EFNA5: variants seen among roughly 807,000 people sequenced by gnomAD.
The protein encoded by EFNA5 is ephrin-A5.
Under a neutral mutation model 22.9 loss-of-function variants are expected in EFNA5, and 5 were observed. The observed-to-expected ratio is 0.22, with a 90% CI of 0.11 to 0.46. The LOEUF is 0.46. EFNA5 is among the 20% of genes least tolerant of loss of function. EFNA5 has a pLI of 0.99. For missense variants in EFNA5, 237 were observed against 293.3 expected (o/e 0.81, Z 1.40); for synonymous variants, 113 against 112.2 (o/e 1.01, Z -0.04).
At chr5:107,463,299 T>C (rs1328056924) in intron 1 of EFNA5, among the ~76,000 whole-genome samples, 1 of 152,136 alleles carries the variant, frequency 6.6e-6, no homozygotes, top group Non-Finnish European at 1.5e-5. Context: ...CACACACATA[T>C]ATTTCATACT....
chr5:107,636,821 A>G (rs989216523), intron 1 of EFNA5, among the ~76,000 whole-genome samples: 1 of 152,224 alleles, frequency 6.6e-6, no homozygotes, highest in Non-Finnish European at 1.5e-5. Flanking sequence ...TGAAGGTGAT[A>G]AGGTTCTGGC....
chr5:107,623,379 A>C (rs969881087), intron 1 of EFNA5, among the ~76,000 whole-genome samples: 11 of 152,228 alleles, frequency 7.2e-5, no homozygotes, highest in Admixed American at 2.6e-4. Context: ...ATATGAGAAG[A>C]AGCACCAAAT....
chr5:107,419,063 C>T (rs186264449), intron 2 of EFNA5, among the ~76,000 whole-genome samples: 138 of 152,318 alleles, frequency 9.1e-4, no homozygotes, highest in Non-Finnish European at 1.6e-3. Context: ...GTGTGCTAGG[C>T]GAAGCCATTA....
intron 2 of EFNA5, among the ~76,000 whole-genome samples, chr5:107,399,392 GAA>G (rs1326689004): frequency 6.9e-6 from 1 of 143,940 alleles, no homozygotes; most frequent in African/African-American, 2.6e-5. Flanking sequence ...AGGAAGGAAA[GAA>G]GAGAGAGAGA....
chr5:107,604,206 G>T (rs771589663), intron 1 of EFNA5, among the ~76,000 whole-genome samples: 5 of 152,098 alleles, frequency 3.3e-5, no homozygotes, highest in Admixed American at 1.3e-4. Flanking sequence ...TAAGAGACAG[G>T]GTCTACCTCT....
At chr5:107,659,460 T>A (rs563691739) in intron 1 of EFNA5, among the ~76,000 whole-genome samples, 1 of 151,532 alleles carries the variant, frequency 6.6e-6, no homozygotes, top group Non-Finnish European at 1.5e-5. Context: ...AAATCTTCTA[T>A]CCAAGCTGCT....
intron 1 of EFNA5, among the ~76,000 whole-genome samples, chr5:107,462,926 G>A (rs890275812): frequency 2.0e-5 from 3 of 152,122 alleles, no homozygotes; most frequent in Admixed American, 6.6e-5. Context: ...GATTTGTGCT[G>A]GAAAGAAAAC....
At chr5:107,555,195 A>G (rs1277199606) in intron 1 of EFNA5, among the ~76,000 whole-genome samples, 1 of 152,252 alleles carries the variant, frequency 6.6e-6, no homozygotes, top group African/African-American at 2.4e-5. Flanking sequence ...ACCAGTTCAC[A>G]TATGACTGGA....
Position 107,653,775 on chromosome 5 carries a change from T to C in EFNA5, c.125+16714A>G, listed in dbSNP as rs544037121. ...CCAATCGTCTTCCAACACTGATTAT[T>C]GCAGTCTTAAAACTCCATATTCAGG... On this transcript the variant is annotated intron_variant, in intron 1 of 4. Coordinates refer to ENST00000333274, the MANE Select transcript of EFNA5 (RefSeq NM_001962.3). Among the ~76,000 whole-genome samples the C allele has an allele frequency of 1.0e-3, 159 of 152,068 alleles. 1 individual carries two copies. Among genetic ancestry groups the C allele is most frequent in the South Asian group, 4.8e-3 (23 of 4,824 alleles).
At chr5:107,432,704 T>C (rs1748995955) in intron 1 of EFNA5, among the ~76,000 whole-genome samples, 1 of 152,182 alleles carries the variant, frequency 6.6e-6, no homozygotes, top group Admixed American at 6.5e-5. Context: ...AAACATCTCA[T>C]ATGCATAAAA....
intron 1 of EFNA5, among the ~76,000 whole-genome samples, chr5:107,460,581 T>C (rs1021025428): frequency 6.6e-6 from 1 of 152,150 alleles, no homozygotes; most frequent in Non-Finnish European, 1.5e-5. Flanking sequence ...CTTCACTTTT[T>C]TGGTAAAAAA....
chr5:107,659,875 T>G lies in EFNA5; in HGVS notation c.125+10614A>C, dbSNP rs529312001. On this transcript the variant is annotated intron_variant, in intron 1 of 4. Coordinates refer to ENST00000333274, the MANE Select transcript of EFNA5 (RefSeq NM_001962.3). ...GACCCTTCCTAACAAAGAACTGCAT[T>G]TTTTCATTTTAATTAACTAAATTAA... 1.6e-3 allele frequency among the ~76,000 whole-genome samples: 251 copies of G among 152,132 alleles called. 1 individual carries two copies. Among genetic ancestry groups the G allele is most frequent in the African/African-American group, 5.9e-3 (244 of 41,544 alleles).
In EFNA5 at chr5:107,483,069, T is replaced by G. The variant is rs1750531176; in HGVS notation, c.126-55560A>C. 2.0e-5 allele frequency among the ~76,000 whole-genome samples: 3 copies of G among 152,144 alleles called. No homozygotes were observed. In the South Asian group the frequency reaches 6.2e-4, roughly 31 times the overall value. ...ATTAGTTTACAGTGTTTAAGCAGCT[T>G]GTTCCTCGTCTTTAATCTTCTTTAT... On this transcript the variant is annotated intron_variant, in intron 1 of 4. Coordinates refer to ENST00000333274, the MANE Select transcript of EFNA5 (RefSeq NM_001962.3).
chr5:107,436,612 A>C (rs1430278286), intron 1 of EFNA5, among the ~76,000 whole-genome samples: 2 of 152,142 alleles, frequency 1.3e-5, no homozygotes, highest in African/African-American at 4.8e-5. Flanking sequence ...GCTGTACTTC[A>C]GGTCTTAAGC....
rs150486068 is a variant in EFNA5, at chr5:107,596,407, C to T, written c.125+74082G>A. ...GGCTTATTTCACTTAGCATAATTTCCTGAAGGCTCATTTGAGGTGTAGCAT... is the reference window on the plus strand; with the variant it reads ...GGCTTATTTCACTTAGCATAATTTCTTGAAGGCTCATTTGAGGTGTAGCAT... On this transcript the variant is annotated intron_variant, in intron 1 of 4. Coordinates refer to ENST00000333274, the MANE Select transcript of EFNA5 (RefSeq NM_001962.3). Among the ~76,000 whole-genome samples the T allele has an allele frequency of 3.5e-3, 533 of 152,144 alleles. 4 individuals carry two copies. The highest frequency in any genetic ancestry group is 0.012 in the African/African-American group (513 of 41,516).
intron 1 of EFNA5, among the ~76,000 whole-genome samples, chr5:107,594,161 A>T (rs1749429400): frequency 6.6e-6 from 1 of 152,204 alleles, no homozygotes; most frequent in African/African-American, 2.4e-5. Flanking sequence ...CTGTGCTAAA[A>T]ATGCCACATT....
At chr5:107,610,361 C>T (rs573195597) in intron 1 of EFNA5, among the ~76,000 whole-genome samples, 5 of 152,330 alleles carry the variant, frequency 3.3e-5, no homozygotes, top group South Asian at 2.1e-4. Context: ...GCACCCGCCC[C>T]GCTTGAAGAA....
chr5:107,402,795 A>ATC (rs1288489062), intron 2 of EFNA5, among the ~76,000 whole-genome samples: 4 of 152,310 alleles, frequency 2.6e-5, no homozygotes, highest in Non-Finnish European at 4.4e-5. Context: ...TTTGATTCTG[A>ATC]CTAAATCAAG....
At chr5:107,569,363 A>G (rs1472723235) in intron 1 of EFNA5, among the ~76,000 whole-genome samples, 3 of 131,462 alleles carry the variant, frequency 2.3e-5, no homozygotes, top group African/African-American at 7.3e-5. Context: ...AAATATATAT[A>G]CGTGTATATA....
Sources: allele counts gnomAD v4.1 joint callset (sites outside exome capture counted in the v4.1 genomes callset), GRCh38; gene constraint gnomAD v4.1.1; transcripts MANE v1.5; gene names NCBI Gene and HGNC (gene_info 2026-07-23, HGNC 2026-07-21).